NALCN: variants seen among roughly 807,000 people sequenced by gnomAD.
The protein encoded by NALCN is sodium leak channel, non-selective.
NALCN carries 111 observed loss-of-function variants against 225.3 expected under a neutral mutation model. That is an observed-to-expected ratio of 0.49 (90% CI 0.42 to 0.58). The LOEUF is 0.58. Ranked by LOEUF, NALCN falls within the 20% of genes least tolerant of loss-of-function variation. NALCN has a pLI of 0.00. For synonymous variants in NALCN, 764 were observed against 769.0 expected, an observed-to-expected ratio of 0.99 and a Z score of 0.11; for missense variants, 1,378 against 2,202.4, an observed-to-expected ratio of 0.63 and a Z score of 7.49.
At chr13:101,232,175 G>C (rs1258170442) in intron 12 of NALCN, among the ~76,000 whole-genome samples, 1 of 151,562 alleles carries the variant, frequency 6.6e-6, no homozygotes, top group African/African-American at 2.4e-5. Context: ...CACCATATCG[G>C]CCTCTGAATT....
In NALCN at chr13:101,058,034, A is replaced by G. The variant is rs1283253146; in HGVS notation, c.4928T>C (p.Leu1643Pro). 1.2e-6 allele frequency: 2 copies of G among 1,613,278 alleles called. No individual in the cohort carries two copies. The highest frequency in any genetic ancestry group is 1.7e-5 in the Admixed American group (1 of 60,028). Reference sequence around the variant, plus strand: ...TCCTCGATCCGACAGCGTGGGGCTCAGGAGCTGCTGCTGGCTGCTTGTCTG... The same window carrying G: ...TCCTCGATCCGACAGCGTGGGGCTCGGGAGCTGCTGCTGGCTGCTTGTCTG... Reference protein sequence around the residue: ...QPETSSQQQLLSPTLSDRGGS... With the variant: ...QPETSSQQQLPSPTLSDRGGS... The change falls in exon 43 of 44, where the codon CTG becomes CCG. Residue 1643 changes from leucine (L) to proline (P), a missense_variant. This residue lies in a region of NALCN where 145 missense variants were observed against 169.6 expected (regional missense o/e 0.85). Transcript: ENST00000251127.
intron 15 of NALCN, among the ~76,000 whole-genome samples, chr13:101,169,159 T>C (rs1268107717): frequency 6.6e-6 from 1 of 152,138 alleles, no homozygotes; most frequent in African/African-American, 2.4e-5. Context: ...GTAGAAACAG[T>C]GTCCTGACCA....
intron 15 of NALCN, among the ~76,000 whole-genome samples, chr13:101,150,217 C>T (rs1594313524): frequency 6.8e-6 from 1 of 147,326 alleles, no homozygotes; most frequent in Admixed American, 6.7e-5. Context: ...CGTGTGCTGC[C>T]GGGTGTCTGC....
chr13:101,355,759 C>T (rs952982838), intron 6 of NALCN, among the ~76,000 whole-genome samples: 17 of 152,098 alleles, frequency 1.1e-4, no homozygotes, highest in Non-Finnish European at 1.6e-4. Flanking sequence ...CTTCTCAGTG[C>T]GACATGGCAC....
intron 7 of NALCN, among the ~76,000 whole-genome samples, chr13:101,293,728 C>T (rs985769318): frequency 6.6e-6 from 1 of 152,056 alleles, no homozygotes. Context: ...GCAAGTCCAG[C>T]CGCAGACTTG....
intron 28 of NALCN, among the ~76,000 whole-genome samples, 169 bp downstream of exon 28, chr13:101,095,405 A>G (rs2034448419): frequency 6.6e-6 from 1 of 151,996 alleles, no homozygotes; most frequent in South Asian, 2.1e-4. Flanking sequence ...CTTATTTTTT[A>G]CCTTATTTCT....
Position 101,306,700 on chromosome 13 carries a change from G to C in NALCN, c.800-14334C>G, listed in dbSNP as rs193068656. Among the ~76,000 whole-genome samples the C allele has an allele frequency of 3.3e-5, 5 of 152,286 alleles. No individual in the cohort carries two copies. The East Asian group carries it at 9.7e-4, about 30-fold the overall frequency. On this transcript the variant is annotated intron_variant, in intron 7 of 43. Transcript: ENST00000251127. The stretch of plus-strand genomic sequence containing the variant: ...CTTGTCATGAATTGCTGTGGGTCAG[G>C]CTTGGCTCATTTAATCCTCACTGAC...
At position 101,105,883 on chromosome 13, in the gene NALCN, A is replaced by G. The variant is rs549639514; in HGVS notation, c.2580-933T>C. Among the ~76,000 whole-genome samples the G allele has an allele frequency of 2.6e-5, 4 of 152,334 alleles. No individual in the cohort carries two copies. In the East Asian group the frequency reaches 7.7e-4, roughly 29 times the overall value. On this transcript the variant is annotated intron_variant, in intron 22 of 43. Coordinates refer to ENST00000251127, the MANE Select transcript of NALCN (RefSeq NM_052867.4). ...CCTCCTCTGTTGAAGGAGGGGGCAC[A>G]CAAATGACACCGAGTGGTCCCTGAG...
chr13:101,364,594 G>T (rs1352352401), intron 6 of NALCN, among the ~76,000 whole-genome samples: 1 of 152,066 alleles, frequency 6.6e-6, no homozygotes, highest in Non-Finnish European at 1.5e-5. Context: ...TAAAGCCCAG[G>T]GTTGGATGAA....
At chr13:101,388,499 C>T (rs1386503361) in intron 3 of NALCN, among the ~76,000 whole-genome samples, 1 of 152,100 alleles carries the variant, frequency 6.6e-6, no homozygotes, top group Non-Finnish European at 1.5e-5. Flanking sequence ...CTGGAAATGG[C>T]TAATTTACAG....
intron 7 of NALCN, among the ~76,000 whole-genome samples, chr13:101,294,073 G>C (rs1291022603): frequency 2.0e-5 from 3 of 152,058 alleles, no homozygotes; most frequent in Admixed American, 6.6e-5. Context: ...GAAGGTCACT[G>C]GTTAATGAAG....
intron 15 of NALCN, among the ~76,000 whole-genome samples, chr13:101,167,534 T>C (rs1322640899): frequency 6.6e-6 from 1 of 152,156 alleles, no homozygotes; most frequent in Non-Finnish European, 1.5e-5. Flanking sequence ...TGCACCATCA[T>C]AAAATCAGAA....
intron 12 of NALCN, among the ~76,000 whole-genome samples, chr13:101,235,564 A>C (rs939154866): frequency 7.6e-4 from 115 of 152,306 alleles, no homozygotes; most frequent in African/African-American, 2.6e-3. Context: ...AATCACAGGA[A>C]TGTTTGGAAA....
intron 17 of NALCN, among the ~76,000 whole-genome samples, chr13:101,141,375 TA>T (rs549708999): frequency 1.7e-3 from 253 of 149,120 alleles, no homozygotes; most frequent in Non-Finnish European, 2.2e-3. Context: ...GCTAATTACT[TA>T]AAAAAAAAAT....
At chr13:101,148,772 A>C (rs1319940783) in intron 15 of NALCN, among the ~76,000 whole-genome samples, 1 of 152,226 alleles carries the variant, frequency 6.6e-6, no homozygotes, top group Non-Finnish European at 1.5e-5. Context: ...CTCTAAGCTA[A>C]ACTCTCCAGC....
At chr13:101,232,450 C>CT (rs11400612) in intron 12 of NALCN, among the ~76,000 whole-genome samples, 39,126 of 142,554 alleles carry the variant, frequency 0.27, 6,111 homozygotes, top group Non-Finnish European at 0.37. Context: ...CTTTTCTTTT[C>CT]TTTTTTTTTT....
chr13:101,144,629 A>G, intron 16 of NALCN, 131 bp downstream of exon 16: 2 of 756,564 alleles, frequency 2.6e-6, no homozygotes, highest in Non-Finnish European at 4.1e-6. Flanking sequence ...AGGTAGAGGT[A>G]GTAGAAAGAT....
intron 17 of NALCN, among the ~76,000 whole-genome samples, chr13:101,142,060 C>T (rs2037106980): frequency 6.7e-6 from 1 of 150,126 alleles, no homozygotes; most frequent in African/African-American, 2.4e-5. Context: ...TACATATATA[C>T]ACACATATAC....
chr13:101,224,405 T>C (rs914049547), intron 13 of NALCN, among the ~76,000 whole-genome samples: 26 of 152,280 alleles, frequency 1.7e-4, no homozygotes, highest in African/African-American at 5.3e-4. Flanking sequence ...CCCAAATAAC[T>C]TTTTTCTCTT....
Sources: gnomAD v4.1 joint callset for allele counts (sites outside exome capture counted in the v4.1 genomes callset) on GRCh38, gnomAD v4.1.1 for gene constraint, gnomAD v4.1.1 regional missense constraint, MANE v1.5 for transcripts, NCBI Gene and HGNC (gene_info 2026-07-23, HGNC 2026-07-21) for gene names.